The following DACH1 variants were observed in gnomAD, a reference collection of about 807,000 sequenced individuals.
The protein encoded by DACH1 is dachshund family transcription factor 1, also known as dachshund homolog 1.
DACH1 carries 12 observed loss-of-function variants against 54.2 expected under a neutral mutation model. The ratio of observed to expected loss-of-function variants is 0.22; its 90% CI spans 0.14 to 0.36. The LOEUF (loss-of-function observed/expected upper bound fraction) is 0.36, where lower values mean the gene tolerates loss of function less well. Ranked by LOEUF, DACH1 falls within the 10% of genes least tolerant of loss-of-function variation. The pLI is 1.00. For missense variants in DACH1, 805 were observed against 929.8 expected, an observed-to-expected ratio of 0.87 and a Z score of 1.75; for synonymous variants, 386 against 366.2, an observed-to-expected ratio of 1.05 and a Z score of -0.62.
At chr13:71,819,530 T>A (rs1888105118) in intron 1 of DACH1, among the ~76,000 whole-genome samples, 1 of 152,318 alleles carries the variant, frequency 6.6e-6, no homozygotes, top group East Asian at 1.9e-4. Context: ...TTCATGGTCA[T>A]GGTATCACAT....
chr13:71,637,178 G>A (rs1024401147), intron 2 of DACH1, among the ~76,000 whole-genome samples: 1 of 152,042 alleles, frequency 6.6e-6, no homozygotes, highest in Non-Finnish European at 1.5e-5. Context: ...ATCTGGGATG[G>A]CGCAGCGAGT....
intron 1 of DACH1, among the ~76,000 whole-genome samples, chr13:71,739,454 T>C (rs1884290803): frequency 6.6e-6 from 1 of 152,198 alleles, no homozygotes; most frequent in South Asian, 2.1e-4. Context: ...TAACAATATA[T>C]TTTACTTAAT....
chr13:71,495,489 A>G (rs1879331308), intron 6 of DACH1, among the ~76,000 whole-genome samples: 1 of 152,140 alleles, frequency 6.6e-6, no homozygotes, highest in Non-Finnish European at 1.5e-5. Flanking sequence ...AATAATCTAT[A>G]GATTAAGGGT....
intron 1 of DACH1, among the ~76,000 whole-genome samples, chr13:71,863,428 C>G (rs1412087063): frequency 2.6e-5 from 4 of 152,114 alleles, no homozygotes; most frequent in Admixed American, 6.5e-5. Flanking sequence ...AACTTCCCGC[C>G]TTTAACTTAA....
chr13:71,493,780 A>G (rs763715440), intron 6 of DACH1, among the ~76,000 whole-genome samples: 52 of 151,522 alleles, frequency 3.4e-4, no homozygotes, highest in Admixed American at 1.8e-3. Context: ...TGGGCTTCTC[A>G]CCTATTATGA....
intron 3 of DACH1, among the ~76,000 whole-genome samples, chr13:71,622,259 G>A (rs1436802803): frequency 1.3e-5 from 2 of 151,928 alleles, no homozygotes; most frequent in African/African-American, 4.8e-5. Flanking sequence ...TAGGTCTGGT[G>A]ACAGGTGCAT....
chr13:71,844,420 AC>A (rs1472636682), intron 1 of DACH1, among the ~76,000 whole-genome samples: 1 of 152,172 alleles, frequency 6.6e-6, no homozygotes, highest in Non-Finnish European at 1.5e-5. Flanking sequence ...GATGCAGCCC[AC>A]TTTTTCAACA....
At chr13:71,834,305 G>A (rs1888699324) in intron 1 of DACH1, among the ~76,000 whole-genome samples, 1 of 151,972 alleles carries the variant, frequency 6.6e-6, no homozygotes, top group Non-Finnish European at 1.5e-5. Context: ...AATGGGTGCT[G>A]ATACAGCAAA....
chr13:71,650,967 A>G (rs568641140), intron 2 of DACH1, among the ~76,000 whole-genome samples: 1 of 152,334 alleles, frequency 6.6e-6, no homozygotes, highest in East Asian at 1.9e-4. Flanking sequence ...AAAATTTGCC[A>G]TCAAATACTT....
chr13:71,570,392 T>TA (rs1411637851), intron 4 of DACH1, among the ~76,000 whole-genome samples: 2 of 152,142 alleles, frequency 1.3e-5, no homozygotes, highest in Admixed American at 6.6e-5. Flanking sequence ...GGCACCATGA[T>TA]AAAAAATGGG....
At chr13:71,605,335 A>G (rs1021834225) in intron 3 of DACH1, among the ~76,000 whole-genome samples, 3 of 151,860 alleles carry the variant, frequency 2.0e-5, no homozygotes, top group Admixed American at 2.0e-4. Flanking sequence ...GTATTGTAAT[A>G]TGATATTATA....
At chr13:71,647,786 C>T (rs1878390812) in intron 2 of DACH1, among the ~76,000 whole-genome samples, 1 of 152,096 alleles carries the variant, frequency 6.6e-6, no homozygotes, top group African/African-American at 2.4e-5. Context: ...GAGAAAAGCT[C>T]CTTGGAGAAT....
At chr13:71,687,126 A>G (rs1047724126) in intron 1 of DACH1, among the ~76,000 whole-genome samples, 1 of 152,176 alleles carries the variant, frequency 6.6e-6, no homozygotes, top group Admixed American at 6.5e-5. Context: ...TTACGCAAGG[A>G]AAGTTCCAAC....
In DACH1 at chr13:71,470,512, G is replaced by T. The variant is rs775226986; in HGVS notation, c.2083+4629C>A. ...CCGGCCCATTTCTTACATTTTTAGT[G>T]GAGATGGGGTTTCACTATGTTGGCC... is the stretch of plus-strand genomic sequence containing the variant. On this transcript the variant is annotated intron_variant, in intron 10 of 10. Coordinates refer to ENST00000613252, the MANE Select transcript of DACH1 (RefSeq NM_080759.6). Among the ~76,000 whole-genome samples, 6 of 151,838 alleles carry T rather than the reference G, an allele frequency of 4.0e-5. No individual in the cohort carries two copies. The East Asian group carries it at 5.8e-4, about 15-fold the overall frequency.
chr13:71,745,516 G>C (rs947775002), intron 1 of DACH1, among the ~76,000 whole-genome samples: 5 of 152,268 alleles, frequency 3.3e-5, no homozygotes, highest in African/African-American at 1.2e-4. Flanking sequence ...GGCACAGAAG[G>C]CTAGATGAAA....
At chr13:71,587,598 C>A (rs1461519675) in intron 3 of DACH1, among the ~76,000 whole-genome samples, 3 of 151,640 alleles carry the variant, frequency 2.0e-5, no homozygotes, top group Non-Finnish European at 4.4e-5. Flanking sequence ...TTGACATTTT[C>A]TGTGATTTTT....
chr13:71,583,967 TTAAA>T (rs1873047081), intron 3 of DACH1, among the ~76,000 whole-genome samples: 1 of 152,214 alleles, frequency 6.6e-6, no homozygotes, highest in African/African-American at 2.4e-5. Flanking sequence ...TCAAACTGTC[TTAAA>T]TAATTTTAAT....
At chr13:71,769,439 G>C (rs1885765110) in intron 1 of DACH1, among the ~76,000 whole-genome samples, 1 of 151,624 alleles carries the variant, frequency 6.6e-6, no homozygotes, top group South Asian at 2.1e-4. Flanking sequence ...TTAAAAATAA[G>C]AATTTCCAGG....
At chr13:71,737,037 G>C (rs1402947893) in intron 1 of DACH1, among the ~76,000 whole-genome samples, 1 of 152,084 alleles carries the variant, frequency 6.6e-6, no homozygotes, top group Non-Finnish European at 1.5e-5. Flanking sequence ...GATGACTAGA[G>C]GTCAGGAGTT....
Sources: allele counts gnomAD v4.1 joint callset (sites outside exome capture counted in the v4.1 genomes callset), GRCh38; gene constraint gnomAD v4.1.1; transcripts MANE v1.5; gene names NCBI Gene and HGNC (gene_info 2026-07-23, HGNC 2026-07-21).